Variants in FARP2 observed in about 807,000 individuals in gnomAD.
FARP2 encodes FERM, ARH/RhoGEF and pleckstrin domain protein 2.
A neutral mutation model predicts 130.5 loss-of-function variants in FARP2; 111 were observed. The observed-to-expected ratio is 0.85, with a 90% confidence interval of 0.73 to 1.00. The LOEUF is 1.00. FARP2 is among the 50% of genes least tolerant of loss of function. The probability of loss-of-function intolerance (pLI) is 0.00; values close to 1 mark genes in which losing one functional copy is unlikely to be tolerated. For synonymous variants in FARP2, 504 were observed against 516.9 expected (o/e 0.98, Z 0.34); for missense variants, 1,385 against 1,346.3 (o/e 1.03, Z -0.45).
At chr2:241,484,362 C>A in intron 21 of FARP2, 31 bp downstream of exon 21, 1 of 1,582,076 alleles carries the variant, frequency 6.3e-7, no homozygotes, top group South Asian at 1.1e-5. Flanking sequence ...CCTGGGATTT[C>A]CACGTGGTGC....
intron 19 of FARP2, chr2:241,479,075 C>G: frequency 2.0e-6 from 1 of 495,092 alleles, no homozygotes; most frequent in Non-Finnish European, 3.6e-6. Context: ...AGCTTGGCTG[C>G]GAGAAGGAAC....
At chr2:241,461,177 A>T (rs2064006815) in intron 14 of FARP2, among the ~76,000 whole-genome samples, 1 of 152,044 alleles carries the variant, frequency 6.6e-6, no homozygotes, top group African/African-American at 2.4e-5. Flanking sequence ...CCCTTGGCTT[A>T]GGCCAAAAAC....
chr2:241,471,791 A>G (rs1354052395), intron 18 of FARP2, among the ~76,000 whole-genome samples: 1 of 151,758 alleles, frequency 6.6e-6, no homozygotes, highest in Non-Finnish European at 1.5e-5. Flanking sequence ...CACCGCGCCC[A>G]GCCGGGGTTG....
chr2:241,398,543 C>T (rs1162531183), intron 2 of FARP2, among the ~76,000 whole-genome samples: 2 of 151,308 alleles, frequency 1.3e-5, no homozygotes, highest in Non-Finnish European at 2.9e-5. Context: ...CAGTTTTGAG[C>T]TCCTATGAGT....
chr2:241,484,543 C>T lies in FARP2; in HGVS notation c.2421+212C>T, dbSNP rs578000276. On this transcript the variant is annotated intron_variant, in intron 21 of 26. Coordinates refer to ENST00000264042, the MANE Select transcript of FARP2 (RefSeq NM_014808.4). ...TGTTGTTATTGATGCTCAAACTGCCCTGTCTCTAGTCCATGGTTCCCTTCT... is the reference window on the plus strand; with the variant it reads ...TGTTGTTATTGATGCTCAAACTGCCTTGTCTCTAGTCCATGGTTCCCTTCT... 2.0e-5 allele frequency among the ~76,000 whole-genome samples: 3 copies of T among 152,338 alleles called. No individual in the cohort carries two copies. The South Asian group carries it at 6.2e-4, about 32-fold the overall frequency.
At chr2:241,443,186 C>T in intron 13 of FARP2, 1 of 195,910 alleles carries the variant, frequency 5.1e-6, no homozygotes, top group Middle Eastern at 6.4e-4. Context: ...GGGGGACAGT[C>T]ATCCATTGCA....
chr2:241,398,796 T>A (rs1394887337), intron 2 of FARP2, among the ~76,000 whole-genome samples: 2 of 152,208 alleles, frequency 1.3e-5, no homozygotes, highest in Non-Finnish European at 2.9e-5. Context: ...CTTGAACTCC[T>A]GACCTCAGGT....
In FARP2 at chr2:241,413,375, C is replaced by G. The variant is rs370174433; in HGVS notation, c.577C>G (p.Gln193Glu). ...CAAAGTGAACGAGTATTTGCCTGGC[C>G]AGCAGCACTGCCTTGAGAAGATACT... ...HLKVNEYLPGQQHCLEKILEF... is the reference protein window; with the variant it reads ...HLKVNEYLPGEQHCLEKILEF... Residue 193 changes from glutamine (Q) to glutamate (E), a missense_variant, in exon 7 of 27, where the codon CAG (glutamine) becomes GAG (glutamate). Coordinates refer to ENST00000264042, the MANE Select transcript of FARP2 (RefSeq NM_014808.4). The G allele has an allele frequency of 1.5e-5, 24 of 1,612,430 alleles. No individual in the cohort carries two copies. The highest frequency in any genetic ancestry group is 1.9e-5 in the Non-Finnish European group (23 of 1,179,506).
At chr2:241,442,718 C>A (rs11679955) in intron 13 of FARP2, 1 of 339,834 alleles carries the variant, frequency 2.9e-6, no homozygotes, top group Non-Finnish European at 5.8e-6. Context: ...CTTGGAATGA[C>A]GTAAAAGCTA....
chr2:241,397,794 T>G (rs1168343985), intron 2 of FARP2, among the ~76,000 whole-genome samples: 1 of 151,880 alleles, frequency 6.6e-6, no homozygotes, highest in East Asian at 1.9e-4. Context: ...GAAAGATCAA[T>G]TTTCATGAAC....
intron 20 of FARP2, chr2:241,484,024 T>C (rs2064691645): frequency 7.4e-7 from 1 of 1,352,728 alleles, no homozygotes; most frequent in Admixed American, 3.0e-5. Context: ...CCAAGCTAGC[T>C]GGGAGCTGAC....
At chr2:241,422,304 G>T (rs1419422605) in intron 8 of FARP2, among the ~76,000 whole-genome samples, 1 of 149,494 alleles carries the variant, frequency 6.7e-6, no homozygotes, top group East Asian at 2.0e-4. Context: ...GCGGTAGGCT[G>T]AGGAGGGAGA....
At chr2:241,358,951 A>G (rs142775726) in intron 1 of FARP2, among the ~76,000 whole-genome samples, 57 of 152,350 alleles carry the variant, frequency 3.7e-4, no homozygotes, top group Admixed American at 1.4e-3. Context: ...TTGGAATCAC[A>G]CTTTTCAAAA....
intron 13 of FARP2, among the ~76,000 whole-genome samples, chr2:241,455,179 G>A (rs1005667398): frequency 3.3e-5 from 5 of 152,216 alleles, no homozygotes; most frequent in African/African-American, 1.2e-4. Flanking sequence ...GGTGCCAACA[G>A]TAGTGTGAGA....
intron 2 of FARP2, among the ~76,000 whole-genome samples, chr2:241,397,487 A>G (rs1019430411): frequency 6.6e-6 from 1 of 152,172 alleles, no homozygotes; most frequent in Non-Finnish European, 1.5e-5. Flanking sequence ...CATAGTGTAG[A>G]CACTGTACCA....
At chr2:241,478,634 G>C in intron 19 of FARP2, 1 of 506,256 alleles carries the variant, frequency 2.0e-6, no homozygotes, top group Non-Finnish European at 4.0e-6. Flanking sequence ...GATTAACAAA[G>C]ACCTTGTGGA....
At chr2:241,384,002 G>A (rs2061725678) in intron 2 of FARP2, among the ~76,000 whole-genome samples, 1 of 151,918 alleles carries the variant, frequency 6.6e-6, no homozygotes, top group Admixed American at 6.6e-5. Flanking sequence ...TCCAGAAGGT[G>A]CTAACATTGC....
At chr2:241,404,580 T>C (rs557874432) in intron 3 of FARP2, among the ~76,000 whole-genome samples, 1 of 152,358 alleles carries the variant, frequency 6.6e-6, no homozygotes, top group Admixed American at 6.5e-5. Context: ...CAGTATCATA[T>C]AGCAATTTTA....
chr2:241,460,312 G>T, intron 14 of FARP2, among the ~76,000 whole-genome samples: 1 of 152,232 alleles, frequency 6.6e-6, no homozygotes, highest in South Asian at 2.1e-4. Flanking sequence ...GATGGGGTCC[G>T]TCTCTGTTGC....
Sources: allele counts gnomAD v4.1 joint callset (sites outside exome capture counted in the v4.1 genomes callset), GRCh38; gene constraint gnomAD v4.1.1; transcripts MANE v1.5; gene names NCBI Gene and HGNC (gene_info 2026-07-23, HGNC 2026-07-21).